DNAJC10: variants seen among roughly 807,000 people sequenced by gnomAD.
The protein encoded by DNAJC10 is endoplasmic reticulum disulfide reductase DNAJC10.
DNAJC10 carries 101 observed loss-of-function variants against 115.0 expected under a neutral mutation model. That is an observed-to-expected ratio of 0.88 (90% CI 0.75 to 1.04). The LOEUF is 1.04. Ranked by LOEUF, DNAJC10 falls within the 50% of genes least tolerant of loss-of-function variation. The pLI, the probability that DNAJC10 is intolerant of heterozygous loss-of-function variation, is 0.00. For synonymous variants in DNAJC10, 307 were observed against 301.5 expected (o/e 1.02, Z -0.19); for missense variants, 981 against 928.8 (o/e 1.06, Z -0.73).
intron 4 of DNAJC10, among the ~76,000 whole-genome samples, chr2:182,720,853 T>A (rs1452196430): frequency 6.6e-6 from 1 of 152,180 alleles, no homozygotes; most frequent in Non-Finnish European, 1.5e-5. Flanking sequence ...AGTTTAGTAA[T>A]GATCTCTTCA....
chr2:182,744,731 G>A (rs1001802093), intron 14 of DNAJC10, among the ~76,000 whole-genome samples: 4 of 151,992 alleles, frequency 2.6e-5, no homozygotes, highest in African/African-American at 9.7e-5. Context: ...ACTCAGAAAG[G>A]TTAAGTAACT....
intron 23 of DNAJC10, among the ~76,000 whole-genome samples, chr2:182,775,734 TAAATG>T (rs1251349822): frequency 6.6e-6 from 1 of 152,170 alleles, no homozygotes; most frequent in African/African-American, 2.4e-5. Flanking sequence ...AACTGACAGA[TAAATG>T]AAATGTGGTG....
intron 14 of DNAJC10, among the ~76,000 whole-genome samples, chr2:182,746,764 G>A (rs1173573538): frequency 2.6e-5 from 4 of 151,924 alleles, no homozygotes; most frequent in Non-Finnish European, 4.4e-5. Context: ...TTTGGCTTTT[G>A]TTGCCATTGC....
At chr2:182,753,581 T>TTTG (rs1467309026) in intron 16 of DNAJC10, among the ~76,000 whole-genome samples, 5 of 135,988 alleles carry the variant, frequency 3.7e-5, no homozygotes, top group African/African-American at 1.4e-4. Flanking sequence ...TTAGTTTAGT[T>TTTG]TTTTTTTTTT....
intron 5 of DNAJC10, among the ~76,000 whole-genome samples, chr2:182,727,840 T>G (rs1693330451): frequency 6.6e-6 from 1 of 152,230 alleles, no homozygotes; most frequent in Admixed American, 6.5e-5. Context: ...TTTACAATGT[T>G]AAATTTTTTA....
chr2:182,718,968 A>G (rs1272911047), intron 3 of DNAJC10, among the ~76,000 whole-genome samples: 1 of 152,300 alleles, frequency 6.6e-6, no homozygotes, highest in Non-Finnish European at 1.5e-5. Flanking sequence ...AAGTTTTAAA[A>G]TAGGATTATT....
chr2:182,776,414 G>C (rs1370614480), intron 23 of DNAJC10, among the ~76,000 whole-genome samples: 1 of 152,266 alleles, frequency 6.6e-6, no homozygotes, highest in Middle Eastern at 3.4e-3. Flanking sequence ...TGTTACTGTA[G>C]ATCATACTTA....
At chr2:182,774,227 C>G (rs1559029095) in intron 22 of DNAJC10, among the ~76,000 whole-genome samples, 1 of 152,116 alleles carries the variant, frequency 6.6e-6, no homozygotes, top group African/African-American at 2.4e-5. Flanking sequence ...AAGCTTTGTC[C>G]CAGAAGGGCA....
intron 21 of DNAJC10, among the ~76,000 whole-genome samples, chr2:182,760,344 A>T (rs758285723): frequency 2.2e-4 from 33 of 152,288 alleles, no homozygotes; most frequent in Non-Finnish European, 4.1e-4. Context: ...TTTATTTATT[A>T]TTACTTGAAA....
intron 16 of DNAJC10, chr2:182,752,561 A>G: frequency 1.1e-6 from 1 of 933,728 alleles, no homozygotes; most frequent in Non-Finnish European, 1.3e-6. Flanking sequence ...TATTTGCTGG[A>G]AAGAAGTTAA....
chr2:182,754,974 T>C (rs373560594), intron 16 of DNAJC10, 29 bp from the exon 17 acceptor site: 1,525 of 1,466,880 alleles, frequency 1.0e-3, no homozygotes, highest in Admixed American at 1.5e-3. Context: ...ATCTATAAAA[T>C]CTTTAATTCA....
chr2:182,778,318 T>C lies in DNAJC10; in HGVS notation c.*1186T>C, dbSNP rs1694762606. The stretch of plus-strand genomic sequence containing the variant: ...ATAAATATTGACATAATAACTGAAG[T>C]TATTTTTATAAGAAAATCAAGTATA... On this transcript the variant is annotated 3_prime_UTR_variant, in exon 24 of 24. Coordinates refer to ENST00000264065, the MANE Select transcript of DNAJC10 (RefSeq NM_018981.4). The C allele has an allele frequency of 6.6e-6, 1 of 152,188 alleles. No individual in the cohort carries two copies. The highest frequency in any genetic ancestry group is 1.5e-5 in the Non-Finnish European group (1 of 68,030). 9.4% of individuals were successfully genotyped at this position (152,188 alleles called of 1,614,324 possible). A position where few individuals can be genotyped will look rare whatever the true frequency, so the allele number is the denominator to read the frequency against.
rs572116988 is a variant in DNAJC10, at chr2:182,786,465, G to A, written c.*9333G>A. The A allele has an allele frequency of 6.6e-6, 1 of 152,256 alleles. No individual in the cohort carries two copies. The highest frequency in any genetic ancestry group is 2.1e-4 in the South Asian group (1 of 4,822). The allele number at this position is 152,256 out of a possible 1,614,324, so 9.4% of individuals were successfully genotyped here. A position where few individuals can be genotyped will look rare whatever the true frequency, so the allele number is the denominator to read the frequency against. On this transcript the variant is annotated 3_prime_UTR_variant, in exon 24 of 24. Transcript: ENST00000264065. ...ATTCTGAAATGGAAATAATTGACTA[G>A]AGATTGTCTAGTCAAACTAGACTGA...
At chr2:182,757,050 T>C (rs375220604) in intron 18 of DNAJC10, among the ~76,000 whole-genome samples, 20 of 152,174 alleles carry the variant, frequency 1.3e-4, no homozygotes, top group Admixed American at 4.6e-4. Context: ...TTTAAAAATA[T>C]CATTTCCTGA....
At chr2:182,753,220 G>A (rs1694069608) in intron 16 of DNAJC10, among the ~76,000 whole-genome samples, 1 of 152,148 alleles carries the variant, frequency 6.6e-6, no homozygotes, top group South Asian at 2.1e-4. Context: ...AGTGATTATT[G>A]TAGCTATATG....
intron 18 of DNAJC10, among the ~76,000 whole-genome samples, chr2:182,757,436 T>C (rs1694184416): frequency 6.6e-6 from 1 of 152,172 alleles, no homozygotes; most frequent in South Asian, 2.1e-4. Context: ...AAGTATATAG[T>C]TTTTTCTCAT....
At chr2:182,770,784 T>C (rs1026805176) in intron 22 of DNAJC10, among the ~76,000 whole-genome samples, 3 of 152,230 alleles carry the variant, frequency 2.0e-5, no homozygotes, top group African/African-American at 7.2e-5. Flanking sequence ...CATTTCCTAA[T>C]TGAATACCCT....
chr2:182,748,551 G>T (rs11692162), intron 14 of DNAJC10, among the ~76,000 whole-genome samples: 8,538 of 152,202 alleles, frequency 0.056, 330 homozygotes, highest in Non-Finnish European at 0.088. Flanking sequence ...ATGGTAGTTT[G>T]TATTTCTGTG....
chr2:182,752,529 G>T (rs1010412501), intron 16 of DNAJC10: 2 of 824,800 alleles, frequency 2.4e-6, no homozygotes, highest in Admixed American at 6.2e-5. Flanking sequence ...TTTTCCTTTG[G>T]CTTTCTTCAT....
Sources: gnomAD v4.1 joint callset for allele counts (sites outside exome capture counted in the v4.1 genomes callset) on GRCh38, gnomAD v4.1.1 for gene constraint, MANE v1.5 for transcripts, NCBI Gene and HGNC (gene_info 2026-07-23, HGNC 2026-07-21) for gene names.